The following ANO6 variants were observed in gnomAD, a reference collection of about 807,000 sequenced individuals.
ANO6 encodes the protein anoctamin-6.
In ANO6, 106 loss-of-function variants were observed where a neutral mutation model predicts 117.5. The ratio of observed to expected loss-of-function variants is 0.90; its 90% CI spans 0.77 to 1.06. The LOEUF is 1.06. ANO6 is among the 50% of genes least tolerant of loss of function. ANO6 has a pLI of 0.00. For synonymous variants in ANO6, 367 were observed against 385.1 expected, an observed-to-expected ratio of 0.95 and a Z score of 0.55; for missense variants, 955 against 1,121.1, an observed-to-expected ratio of 0.85 and a Z score of 2.12.
At chr12:45,388,429 C>CCAGAGTATGTAGTGA in intron 11 of ANO6, 126 bp downstream of exon 11, 1 of 1,224,210 alleles carries the variant, frequency 8.2e-7, no homozygotes, top group Non-Finnish European at 1.2e-6. Context: ...TCACTACATA[C>CCAGAGTATGTAGTGA]TCTGGTACTT....
chr12:45,375,472 A>C (rs1306429472), intron 9 of ANO6, among the ~76,000 whole-genome samples: 1 of 152,232 alleles, frequency 6.6e-6, no homozygotes, highest in Admixed American at 6.5e-5. Flanking sequence ...AGGCTACAGT[A>C]ACCAAAACAG....
rs571106428 is a variant in ANO6, at chr12:45,345,832, A to G, written c.280-1190A>G. Among the ~76,000 whole-genome samples the G allele has an allele frequency of 2.8e-4, 43 of 152,244 alleles. 1 individual carries two copies. Among genetic ancestry groups the G allele is most frequent in the African/African-American group, 9.4e-4 (39 of 41,534 alleles). The stretch of plus-strand genomic sequence containing the variant: ...TTGTGCTGCTGTAACAGAATTCCAC[A>G]GACTAATTTATAAAGAACAGAAATT... On this transcript the variant is annotated intron_variant, in intron 3 of 19. Coordinates refer to ENST00000320560, the MANE Select transcript of ANO6 (RefSeq NM_001025356.3).
intron 3 of ANO6, among the ~76,000 whole-genome samples, chr12:45,344,331 A>G (rs565210848): frequency 6.6e-6 from 1 of 152,336 alleles, no homozygotes; most frequent in South Asian, 2.1e-4. Context: ...TGTGTTAGGC[A>G]TTGTATTAGT....
chr12:45,383,142 A>C (rs1942211715), intron 10 of ANO6: 1 of 222,018 alleles, frequency 4.5e-6, no homozygotes, highest in Admixed American at 4.5e-5. Context: ...TTCAGTAATG[A>C]CAGCATCTTC....
At position 45,429,979 on chromosome 12, in the gene ANO6, A is replaced by G; in HGVS notation, c.*668A>G. 1.0e-6 allele frequency: 1 copy of G among 986,522 alleles called. No homozygotes were observed. Among genetic ancestry groups the G allele is most frequent in the Non-Finnish European group, 1.2e-6 (1 of 830,728 alleles). 61.1% of individuals were successfully genotyped at this position (986,522 alleles called of 1,614,324 possible). On this transcript the variant is annotated 3_prime_UTR_variant, in exon 20 of 20. Coordinates refer to ENST00000320560, the MANE Select transcript of ANO6 (RefSeq NM_001025356.3). ...TTGAAGCATATTTGTCCTAATCCAC[A>G]GTGACACTTTTTATCTTCCAGGAGC...
At chr12:45,235,433 C>T (rs1016909574) in intron 1 of ANO6, among the ~76,000 whole-genome samples, 2 of 152,170 alleles carry the variant, frequency 1.3e-5, no homozygotes, top group South Asian at 4.1e-4. Context: ...CAGCTTGGCA[C>T]GTAAGAAAGA....
chr12:45,402,974 ACG>A (rs1942833074), intron 13 of ANO6, 96 bp from the exon 14 acceptor site: 3 of 1,090,188 alleles, frequency 2.8e-6, no homozygotes, highest in African/African-American at 4.0e-5. Flanking sequence ...TATTTTTTTA[ACG>A]TGTTTAACGT....
chr12:45,283,649 A>C (rs1031917239), intron 1 of ANO6, among the ~76,000 whole-genome samples: 6 of 152,330 alleles, frequency 3.9e-5, no homozygotes, highest in Middle Eastern at 3.4e-3. Flanking sequence ...TTCCTGCTGA[A>C]ACTGGTGAAG....
At chr12:45,344,010 A>G (rs2137436013) in intron 3 of ANO6, among the ~76,000 whole-genome samples, 1 of 152,252 alleles carries the variant, frequency 6.6e-6, no homozygotes, top group Middle Eastern at 3.4e-3. Flanking sequence ...GGAGACCACG[A>G]AAAGGAGTGT....
At chr12:45,314,412 C>T (rs970117656) in intron 2 of ANO6, among the ~76,000 whole-genome samples, 3 of 145,744 alleles carry the variant, frequency 2.1e-5, no homozygotes, top group African/African-American at 7.6e-5. Context: ...AGTTCAAAAC[C>T]AGCCTGGGCA....
chr12:45,241,179 A>G (rs1013698777), intron 1 of ANO6, among the ~76,000 whole-genome samples: 1 of 152,196 alleles, frequency 6.6e-6, no homozygotes, highest in Non-Finnish European at 1.5e-5. Context: ...TGTCACTTTC[A>G]GGTACACCAA....
intron 1 of ANO6, among the ~76,000 whole-genome samples, chr12:45,260,305 C>T (rs1937981831): frequency 6.6e-6 from 1 of 152,194 alleles, no homozygotes; most frequent in African/African-American, 2.4e-5. Context: ...CCCAGTGAGG[C>T]ACTCAAGTAA....
intron 1 of ANO6, among the ~76,000 whole-genome samples, chr12:45,223,242 G>A (rs998710253): frequency 1.8e-4 from 27 of 152,174 alleles, no homozygotes; most frequent in African/African-American, 6.3e-4. Flanking sequence ...ATGACCCGGG[G>A]CTTGTGATTG....
At chr12:45,386,042 T>C (rs1942289789) in intron 10 of ANO6, among the ~76,000 whole-genome samples, 1 of 152,180 alleles carries the variant, frequency 6.6e-6, no homozygotes, top group South Asian at 2.1e-4. Context: ...CCACCCTGAC[T>C]GCGTATTAAA....
At chr12:45,216,482 G>C (rs950306181) in intron 1 of ANO6, 91 bp downstream of exon 1, 10 of 1,443,924 alleles carry the variant, frequency 6.9e-6, no homozygotes, top group Non-Finnish European at 8.5e-6. Flanking sequence ...TGCTCTCCGC[G>C]GGGGAGGTTG....
At chr12:45,318,476 G>T (rs1160053906) in intron 2 of ANO6, among the ~76,000 whole-genome samples, 1 of 152,120 alleles carries the variant, frequency 6.6e-6, no homozygotes, top group Non-Finnish European at 1.5e-5. Context: ...CTGTTCCATT[G>T]GTCGATATCT....
intron 15 of ANO6, among the ~76,000 whole-genome samples, chr12:45,408,629 TAGG>T (rs1943007109): frequency 6.6e-6 from 1 of 152,164 alleles, no homozygotes; most frequent in African/African-American, 2.4e-5. Flanking sequence ...CAGCTTAAAA[TAGG>T]AATTGGACCT....
At chr12:45,243,865 T>G (rs995414300) in intron 1 of ANO6, among the ~76,000 whole-genome samples, 4 of 152,212 alleles carry the variant, frequency 2.6e-5, no homozygotes, top group Non-Finnish European at 5.9e-5. Context: ...AAATTTTTAG[T>G]GTAGTTAATT....
chr12:45,410,759 G>C (rs574675719), intron 16 of ANO6, among the ~76,000 whole-genome samples: 1 of 152,214 alleles, frequency 6.6e-6, no homozygotes. Context: ...CAAGTCTGCA[G>C]TTAGAAGGTG....
Sources: allele counts gnomAD v4.1 joint callset (sites outside exome capture counted in the v4.1 genomes callset), GRCh38; gene constraint gnomAD v4.1.1; transcripts MANE v1.5; gene names NCBI Gene and HGNC (gene_info 2026-07-23, HGNC 2026-07-21).